TBC1D5: variants seen among roughly 807,000 people sequenced by gnomAD.
TBC1D5 encodes TBC1 domain family member 5, also known as TBC1 domain family, member 5.
A neutral mutation model predicts 100.3 loss-of-function variants in TBC1D5; 75 were observed. That is an observed-to-expected ratio of 0.75 (90% confidence interval 0.62 to 0.91). The LOEUF (loss-of-function observed/expected upper bound fraction) is 0.91. Ranked by LOEUF, TBC1D5 falls within the 40% of genes least tolerant of loss-of-function variation. The probability of loss-of-function intolerance (pLI) is 0.00; values close to 1 mark genes in which losing one functional copy is unlikely to be tolerated. For synonymous variants in TBC1D5, 323 were observed against 325.6 expected, an observed-to-expected ratio of 0.99 and a Z score of 0.09; for missense variants, 910 against 942.4, an observed-to-expected ratio of 0.97 and a Z score of 0.45.
chr3:17,278,388 G>T (rs1354408517), intron 15 of TBC1D5, among the ~76,000 whole-genome samples: 2 of 152,154 alleles, frequency 1.3e-5, no homozygotes, highest in African/African-American at 4.8e-5. Context: ...ACCTCGATAT[G>T]TGTATATTTA....
At chr3:17,386,946 C>T (rs1234498927) in intron 8 of TBC1D5, among the ~76,000 whole-genome samples, 2 of 152,070 alleles carry the variant, frequency 1.3e-5, no homozygotes, top group Non-Finnish European at 2.9e-5. Context: ...CTACTTTTAG[C>T]AAATACCAAA....
intron 8 of TBC1D5, among the ~76,000 whole-genome samples, chr3:17,400,468 A>G (rs553324834): frequency 1.3e-4 from 20 of 152,284 alleles, no homozygotes; most frequent in African/African-American, 4.8e-4. Context: ...ATTTGCCAGA[A>G]AATTTATATA....
intron 1 of TBC1D5, among the ~76,000 whole-genome samples, chr3:17,708,003 C>T (rs2074348434): frequency 6.6e-6 from 1 of 152,036 alleles, no homozygotes; most frequent in Non-Finnish European, 1.5e-5. Flanking sequence ...AATATGAAAC[C>T]ATATTTGGTT....
intron 3 of TBC1D5, among the ~76,000 whole-genome samples, chr3:17,459,503 T>C (rs1041761989): frequency 1.3e-5 from 2 of 152,204 alleles, no homozygotes; most frequent in African/African-American, 4.8e-5. Context: ...ACCTCTGTTA[T>C]AGAGAATACT....
At chr3:17,536,394 C>T (rs1261280092) in intron 2 of TBC1D5, among the ~76,000 whole-genome samples, 1 of 152,116 alleles carries the variant, frequency 6.6e-6, no homozygotes, top group East Asian at 1.9e-4. Context: ...TGGTAAAATA[C>T]ACATATTTAC....
intron 1 of TBC1D5, among the ~76,000 whole-genome samples, chr3:17,638,531 T>C (rs2064192814): frequency 6.6e-6 from 1 of 152,078 alleles, no homozygotes; most frequent in Admixed American, 6.6e-5. Context: ...TAGGAAAAAA[T>C]TGCCCTGTGA....
At chr3:17,428,468 C>T in exon 4 of TBC1D5, 1 of 1,450,810 alleles carries the variant, frequency 6.9e-7, no homozygotes, top group South Asian at 1.5e-5. Context: ...ATTAAAAGTC[C>T]CTTCAGAGTC....
At chr3:17,525,560 C>T (rs2096123299) in intron 2 of TBC1D5, among the ~76,000 whole-genome samples, 1 of 152,194 alleles carries the variant, frequency 6.6e-6, no homozygotes, top group South Asian at 2.1e-4. Context: ...TTTCTTATTA[C>T]ATTACTTTAT....
intron 16 of TBC1D5, among the ~76,000 whole-genome samples, chr3:17,241,685 T>C (rs766674043): frequency 1.3e-5 from 2 of 152,208 alleles, no homozygotes; most frequent in Non-Finnish European, 2.9e-5. Flanking sequence ...CTGAATTCAC[T>C]GTTGAGCTTA....
At chr3:17,471,495 G>C (rs957745592) in intron 3 of TBC1D5, among the ~76,000 whole-genome samples, 1 of 151,824 alleles carries the variant, frequency 6.6e-6, no homozygotes, top group African/African-American at 2.4e-5. Flanking sequence ...CTCTTGCCTG[G>C]TATTTGTAAA....
At chr3:17,615,225 G>A (rs1363630333) in intron 2 of TBC1D5, among the ~76,000 whole-genome samples, 2 of 152,172 alleles carry the variant, frequency 1.3e-5, no homozygotes, top group Non-Finnish European at 1.5e-5. Flanking sequence ...TGCAACCCAG[G>A]GATGAGGCTG....
At chr3:17,352,803 A>G (rs1478191279) in intron 13 of TBC1D5, among the ~76,000 whole-genome samples, 1 of 151,880 alleles carries the variant, frequency 6.6e-6, no homozygotes. Context: ...TTTTCCAGAA[A>G]TATGAGTTGT....
At chr3:17,722,958 G>A (rs953129555) in intron 1 of TBC1D5, among the ~76,000 whole-genome samples, 3 of 152,112 alleles carry the variant, frequency 2.0e-5, no homozygotes, top group Non-Finnish European at 4.4e-5. Flanking sequence ...GCAAATAGCA[G>A]GACATGGTTT....
At chr3:17,436,999 T>A (rs1407312596) in intron 3 of TBC1D5, among the ~76,000 whole-genome samples, 1 of 152,056 alleles carries the variant, frequency 6.6e-6, no homozygotes, top group Non-Finnish European at 1.5e-5. Context: ...AATGCAACAG[T>A]GTTGGGAGAT....
chr3:17,565,816 G>T (rs1560174934), intron 2 of TBC1D5, among the ~76,000 whole-genome samples: 1 of 151,924 alleles, frequency 6.6e-6, no homozygotes, highest in Non-Finnish European at 1.5e-5. Flanking sequence ...TTTCACAAAG[G>T]GAAGAAATGT....
intron 18 of TBC1D5, among the ~76,000 whole-genome samples, chr3:17,212,910 A>G (rs975013118): frequency 6.6e-6 from 1 of 152,212 alleles, no homozygotes; most frequent in African/African-American, 2.4e-5. Flanking sequence ...TTTATTTTGA[A>G]GAAAGAACTA....
exon 22 of TBC1D5, chr3:17,157,920 G>GTCA (rs112962032): frequency 0.21 from 32,200 of 152,034 alleles, 4,100 homozygotes; most frequent in East Asian, 0.58. Context: ...GAGTCAACTG[G>GTCA]TCATCTGCAG....
At chr3:17,173,758 T>C (rs1559348989) in intron 19 of TBC1D5, among the ~76,000 whole-genome samples, 1 of 152,204 alleles carries the variant, frequency 6.6e-6, no homozygotes, top group Non-Finnish European at 1.5e-5. Flanking sequence ...CAATCTCATA[T>C]AAGGGACTGT....
intron 3 of TBC1D5, among the ~76,000 whole-genome samples, chr3:17,481,814 C>T (rs1415330032): frequency 6.6e-6 from 1 of 152,164 alleles, no homozygotes; most frequent in East Asian, 1.9e-4. Context: ...GATCTTGGCT[C>T]ACTGCAACCT....
Sources: gnomAD v4.1 joint callset for allele counts (sites outside exome capture counted in the v4.1 genomes callset) on GRCh38, gnomAD v4.1.1 for gene constraint, MANE v1.5 for transcripts, NCBI Gene and HGNC (gene_info 2026-07-23, HGNC 2026-07-21) for gene names.